The following KIAA0319 variants were observed in gnomAD, a reference collection of about 807,000 sequenced individuals.
KIAA0319 encodes the protein dyslexia-associated protein KIAA0319.
In KIAA0319, 83 loss-of-function variants were observed where a neutral mutation model predicts 108.4. The ratio of observed to expected loss-of-function variants is 0.77; its 90% confidence interval spans 0.64 to 0.92. The LOEUF is 0.92. Among genes scored for constraint, KIAA0319 ranks in the 40% least tolerant of loss-of-function variants. The pLI, the probability that KIAA0319 is intolerant of heterozygous loss-of-function variation, is 0.00. For synonymous variants in KIAA0319, 484 were observed against 510.4 expected, an observed-to-expected ratio of 0.95 and a Z score of 0.70; for missense variants, 1,195 against 1,322.4, an observed-to-expected ratio of 0.90 and a Z score of 1.49.
At chr6:24,563,215 G>A in intron 16 of KIAA0319, 144 bp downstream of exon 16, 1 of 887,070 alleles carries the variant, frequency 1.1e-6, no homozygotes, top group Non-Finnish European at 1.6e-6. Context: ...ACTGCCCTTT[G>A]AGAAAAAAAG....
intron 1 of KIAA0319, among the ~76,000 whole-genome samples, chr6:24,642,895 A>G (rs1002200542): frequency 1.3e-5 from 2 of 152,062 alleles, no homozygotes; most frequent in African/African-American, 4.8e-5. Context: ...TTTAGTAGAG[A>G]TGGGGTTTCA....
chr6:24,602,020 CTTTT>C (rs1216820751), intron 1 of KIAA0319, among the ~76,000 whole-genome samples: 4 of 142,284 alleles, frequency 2.8e-5, no homozygotes, highest in Admixed American at 7.1e-5. Flanking sequence ...TACTGTATTT[CTTTT>C]TTTTTTTTTT....
intron 4 of KIAA0319, among the ~76,000 whole-genome samples, chr6:24,587,788 C>A (rs1299638384): frequency 6.6e-6 from 1 of 152,032 alleles, no homozygotes; most frequent in Non-Finnish European, 1.5e-5. Context: ...TGGGGTTTCA[C>A]CATGTTGGCC....
intron 1 of KIAA0319, among the ~76,000 whole-genome samples, chr6:24,643,106 T>C (rs1319582181): frequency 1.3e-5 from 2 of 152,326 alleles, no homozygotes; most frequent in East Asian, 3.9e-4. Flanking sequence ...AACTAAAACT[T>C]GAACACTATT....
chr6:24,609,574 C>T (rs1772007877), intron 1 of KIAA0319, among the ~76,000 whole-genome samples: 1 of 151,946 alleles, frequency 6.6e-6, no homozygotes, highest in Admixed American at 6.6e-5. Flanking sequence ...GAGATTCTGT[C>T]TCAAAACCAA....
chr6:24,585,830 T>A (rs1254092574), intron 4 of KIAA0319, among the ~76,000 whole-genome samples: 1 of 152,176 alleles, frequency 6.6e-6, no homozygotes, highest in Non-Finnish European at 1.5e-5. Context: ...GGCTCACACC[T>A]GTAATCCCAG....
At chr6:24,597,943 A>AAAAAAAAC in intron 2 of KIAA0319, 1 of 149,382 alleles carries the variant, frequency 6.7e-6, no homozygotes. Context: ...AAAAAAAAAA[A>AAAAAAAAC]AAAAAAACCA....
chr6:24,548,448 T>C (rs1760953060), intron 20 of KIAA0319, among the ~76,000 whole-genome samples: 1 of 152,134 alleles, frequency 6.6e-6, no homozygotes, highest in Non-Finnish European at 1.5e-5. Flanking sequence ...CTCCATCCTC[T>C]TTCCCCAGTG....
Position 24,583,632 on chromosome 6 carries a change from C to CTTCA in KIAA0319, c.1061_1064dup (p.Lys355AsnfsTer18), listed in dbSNP as rs1766979711. ...CAGGTGGCGCTGGCGCAACAAAGGC[C>CTTCA]TTCAGTTCAACTTCATTGTCGGGTA... On this transcript the variant is annotated frameshift_variant, in exon 5 of 21. Coordinates refer to ENST00000378214, the MANE Select transcript of KIAA0319 (RefSeq NM_014809.4). LOFTEE classifies it high-confidence loss of function. The CTTCA allele has an allele frequency of 1.9e-6, 3 of 1,613,782 alleles. No homozygotes were observed. The highest frequency in any genetic ancestry group is 2.5e-6 in the Non-Finnish European group (3 of 1,179,772).
chr6:24,566,865 TA>T, intron 13 of KIAA0319, 117 bp from the exon 14 acceptor site: 2 of 959,278 alleles, frequency 2.1e-6, no homozygotes, highest in Non-Finnish European at 2.9e-6. Context: ...TATGTAGAAT[TA>T]AAATATCCAA....
At chr6:24,582,989 T>C in intron 5 of KIAA0319, 1 of 771,026 alleles carries the variant, frequency 1.3e-6, no homozygotes, top group Non-Finnish European at 1.6e-6. Flanking sequence ...GACCAATATG[T>C]GGTGGAGAAA....
intron 1 of KIAA0319, among the ~76,000 whole-genome samples, chr6:24,616,148 A>T (rs1346226437): frequency 6.6e-6 from 1 of 152,180 alleles, no homozygotes; most frequent in Non-Finnish European, 1.5e-5. Flanking sequence ...CCTTGGAAAT[A>T]TTGCTTAAAT....
intron 1 of KIAA0319, among the ~76,000 whole-genome samples, chr6:24,606,428 G>A (rs549719478): frequency 6.6e-6 from 1 of 152,298 alleles, no homozygotes. Flanking sequence ...CGGGACTGGT[G>A]TCAGAGAATG....
At chr6:24,560,586 C>A (rs1762978800) in intron 16 of KIAA0319, among the ~76,000 whole-genome samples, 1 of 152,234 alleles carries the variant, frequency 6.6e-6, no homozygotes, top group South Asian at 2.1e-4. Context: ...CAACAGAAAC[C>A]TCTTCTCACA....
In KIAA0319 at chr6:24,601,057, G is replaced by T. The variant is rs773156714; in HGVS notation, c.47C>A (p.Thr16Lys). The change falls in exon 2 of 21, where the codon ACA becomes AAA. Residue 16 changes from threonine (T) to lysine (K), a missense_variant. Physicochemically the swap from Thr to Lys is moderately conservative, Grantham distance 78. Transcript: ENST00000378214. ...GGGTAGTAGTTCCCTACCTGCAATT[G>T]TCACCAGCAGCAGCAATGAAGAGAG... ...GVLSSLLLLV[T>K]IAGCARKQCS... is the part of the protein sequence containing the mutation. 4 of 1,614,014 alleles carry T rather than the reference G, an allele frequency of 2.5e-6. No individual in the cohort carries two copies. The Admixed American group carries it at 6.7e-5, about 27-fold the overall frequency.
At chr6:24,582,102 C>T (rs182832519) in intron 6 of KIAA0319, 147 bp downstream of exon 6, 66 of 486,976 alleles carry the variant, frequency 1.4e-4, no homozygotes, top group African/African-American at 5.9e-4. Flanking sequence ...GCTGTAATTG[C>T]GCTACTGCAC....
chr6:24,568,600 G>A (rs1183008810), intron 13 of KIAA0319, among the ~76,000 whole-genome samples, 181 bp downstream of exon 13: 1 of 152,202 alleles, frequency 6.6e-6, no homozygotes. Flanking sequence ...TGCAGAGGGC[G>A]ACTGAGAAAC....
At chr6:24,636,569 T>C (rs905756000) in intron 1 of KIAA0319, among the ~76,000 whole-genome samples, 1 of 152,168 alleles carries the variant, frequency 6.6e-6, no homozygotes, top group Non-Finnish European at 1.5e-5. Context: ...ACATCAAATT[T>C]ATGATGAAGC....
intron 3 of KIAA0319, among the ~76,000 whole-genome samples, chr6:24,595,209 G>A (rs1212492781): frequency 6.6e-6 from 1 of 152,124 alleles, no homozygotes; most frequent in Non-Finnish European, 1.5e-5. Context: ...CTGGGTGTAT[G>A]TGCTGGCCCC....
Sources: gnomAD v4.1 joint callset for allele counts (sites outside exome capture counted in the v4.1 genomes callset) on GRCh38, gnomAD v4.1.1 for gene constraint, MANE v1.5 for transcripts, NCBI Gene and HGNC (gene_info 2026-07-23, HGNC 2026-07-21) for gene names.